Variants in FGF14 observed in about 807,000 individuals in gnomAD.
The protein encoded by FGF14 is fibroblast growth factor 14.
In FGF14, 5 loss-of-function variants were observed where a neutral mutation model predicts 25.5. That is an observed-to-expected ratio of 0.20 (90% CI 0.10 to 0.41). The LOEUF is 0.41. FGF14 is among the 10% of genes least tolerant of loss of function. The probability of loss-of-function intolerance (pLI) is 1.00; values close to 1 mark genes in which losing one functional copy is unlikely to be tolerated. For missense variants in FGF14, 222 were observed against 320.1 expected (o/e 0.69, Z 2.34); for synonymous variants, 138 against 118.3 (o/e 1.17, Z -1.08).
chr13:101,943,963 T>C (rs2035635251), intron 1 of FGF14, among the ~76,000 whole-genome samples: 2 of 142,472 alleles, frequency 1.4e-5, no homozygotes, highest in African/African-American at 2.6e-5. Flanking sequence ...ATAGCACCAT[T>C]GCACTCCAGC....
At chr13:102,053,525 A>C (rs2042304493) in intron 1 of FGF14, among the ~76,000 whole-genome samples, 1 of 152,186 alleles carries the variant, frequency 6.6e-6, no homozygotes. Flanking sequence ...GTCTTGAGAT[A>C]AACAAAAATG....
intron 1 of FGF14, among the ~76,000 whole-genome samples, chr13:102,354,481 T>A (rs2057370160): frequency 6.6e-6 from 1 of 152,184 alleles, no homozygotes; most frequent in Non-Finnish European, 1.5e-5. Context: ...CCACTGCAAG[T>A]TGTCTCACCT....
rs542937768 is a variant in FGF14 at position 101,784,494 on chromosome 13, A to G, written c.409-57684T>C. Among the ~76,000 whole-genome samples the G allele has an allele frequency of 3.9e-5, 6 of 152,294 alleles. No individual in the cohort carries two copies. In the East Asian group the frequency reaches 1.2e-3, roughly 30 times the overall value. Reference sequence around the variant, plus strand: ...ACATTGCTCAATTCCAGGAGAAACCATTAACATATTTGTGCTCCAGGGAGC... The same window carrying G: ...ACATTGCTCAATTCCAGGAGAAACCGTTAACATATTTGTGCTCCAGGGAGC... On this transcript the variant is annotated intron_variant, in intron 3 of 4. Transcript: ENST00000376143.
At chr13:102,146,223 T>C (rs1355044395) in intron 1 of FGF14, among the ~76,000 whole-genome samples, 3 of 152,216 alleles carry the variant, frequency 2.0e-5, no homozygotes, top group African/African-American at 7.2e-5. Context: ...CAGTACATGT[T>C]ACCTTAGATT....
At chr13:102,014,414 G>A (rs370367366) in intron 1 of FGF14, among the ~76,000 whole-genome samples, 17 of 152,126 alleles carry the variant, frequency 1.1e-4, no homozygotes, top group Middle Eastern at 6.8e-3. Context: ...AATAGTGCAC[G>A]GAAAAAGCTA....
At chr13:102,259,252 C>T (rs1233902197) in intron 1 of FGF14, among the ~76,000 whole-genome samples, 3 of 152,218 alleles carry the variant, frequency 2.0e-5, no homozygotes, top group African/African-American at 7.2e-5. Context: ...ACTCATCAAC[C>T]CAGCTGCCCT....
intron 1 of FGF14, among the ~76,000 whole-genome samples, chr13:102,064,899 A>T (rs541015901): frequency 2.6e-5 from 4 of 152,066 alleles, no homozygotes; most frequent in Non-Finnish European, 5.9e-5. Context: ...GGATTTTAGC[A>T]TTCATAGAAG....
intron 1 of FGF14, among the ~76,000 whole-genome samples, chr13:102,284,686 T>C (rs2054009033): frequency 1.3e-5 from 2 of 152,072 alleles, no homozygotes; most frequent in African/African-American, 4.8e-5. Context: ...CAGTCAGCTA[T>C]AAAATAATAG....
At chr13:102,368,510 A>G (rs865839910) in intron 1 of FGF14, among the ~76,000 whole-genome samples, 1 of 152,174 alleles carries the variant, frequency 6.6e-6, no homozygotes, top group African/African-American at 2.4e-5. Context: ...TTTTCCCCTC[A>G]TCGGACCTTC....
chr13:101,943,825 A>AT (rs1566472905), intron 1 of FGF14, among the ~76,000 whole-genome samples: 1,569 of 132,632 alleles, frequency 0.012, 28 homozygotes, highest in African/African-American at 0.041. Context: ...AAAAAAAAAA[A>AT]AATATATATA....
intron 3 of FGF14, among the ~76,000 whole-genome samples, chr13:101,750,641 A>G (rs2037210776): frequency 6.6e-6 from 1 of 152,136 alleles, no homozygotes; most frequent in South Asian, 2.1e-4. Context: ...TGGGGCTAGT[A>G]TGGTCACCAG....
At chr13:101,960,983 A>T (rs1198567303) in intron 1 of FGF14, among the ~76,000 whole-genome samples, 1 of 152,032 alleles carries the variant, frequency 6.6e-6, no homozygotes, top group South Asian at 2.1e-4. Context: ...TGGCAGGATA[A>T]ATGTCTTCTT....
chr13:102,302,225 C>T (rs949468024), intron 1 of FGF14, among the ~76,000 whole-genome samples: 1 of 152,102 alleles, frequency 6.6e-6, no homozygotes, highest in African/African-American at 2.4e-5. Flanking sequence ...GCCAGTTAAC[C>T]ATGTTGGAGA....
chr13:101,932,612 C>G (rs2034835769), intron 1 of FGF14, among the ~76,000 whole-genome samples: 1 of 149,550 alleles, frequency 6.7e-6, no homozygotes, highest in Non-Finnish European at 1.5e-5. Context: ...TAGGATAGTA[C>G]TGGGGAAGCT....
chr13:102,055,889 T>C (rs1595126659), intron 1 of FGF14, among the ~76,000 whole-genome samples: 1 of 151,956 alleles, frequency 6.6e-6, no homozygotes, highest in Non-Finnish European at 1.5e-5. Context: ...TGGCAGAAAG[T>C]GAAAGGCACA....
intron 3 of FGF14, among the ~76,000 whole-genome samples, chr13:101,862,343 T>C (rs1324153142): frequency 6.6e-6 from 1 of 152,010 alleles, no homozygotes; most frequent in Admixed American, 6.6e-5. Flanking sequence ...CTTTCCTTTA[T>C]ATTTATTTTT....
chr13:102,113,152 T>A (rs2045312713), intron 1 of FGF14, among the ~76,000 whole-genome samples: 1 of 152,232 alleles, frequency 6.6e-6, no homozygotes, highest in Non-Finnish European at 1.5e-5. Flanking sequence ...TAAGTTCTAT[T>A]AACAAGCATG....
chr13:102,071,165 G>T (rs887756931), intron 1 of FGF14, among the ~76,000 whole-genome samples: 6 of 152,152 alleles, frequency 3.9e-5, no homozygotes, highest in African/African-American at 7.2e-5. Context: ...CCAAACAAGG[G>T]TTATCTGCTA....
At chr13:101,788,946 A>T (rs1267680481) in intron 3 of FGF14, among the ~76,000 whole-genome samples, 2 of 50,774 alleles carry the variant, frequency 3.9e-5, no homozygotes, top group African/African-American at 1.2e-4. Flanking sequence ...AGAGAGAGAG[A>T]GACAGAGAGA....
Sources: allele counts gnomAD v4.1 joint callset (sites outside exome capture counted in the v4.1 genomes callset), GRCh38; gene constraint gnomAD v4.1.1; transcripts MANE v1.5; gene names NCBI Gene and HGNC (gene_info 2026-07-23, HGNC 2026-07-21).